GPC6: variants seen among roughly 807,000 people sequenced by gnomAD.
The protein encoded by GPC6 is glypican 6.
A neutral mutation model predicts 55.2 loss-of-function variants in GPC6; 14 were observed. The ratio of observed to expected loss-of-function variants is 0.25; its 90% CI spans 0.17 to 0.40. The LOEUF is 0.40. Among genes scored for constraint, GPC6 ranks in the 10% least tolerant of loss-of-function variants. GPC6 has a pLI of 1.00. For missense variants in GPC6, 641 were observed against 708.5 expected (o/e 0.90, Z 1.08); for synonymous variants, 278 against 259.6 (o/e 1.07, Z -0.68).
intron 2 of GPC6, among the ~76,000 whole-genome samples, chr13:93,776,201 T>C (rs75978365): frequency 0.012 from 1,813 of 152,152 alleles, 35 homozygotes; most frequent in African/African-American, 0.041. Context: ...TTTACAAATA[T>C]AGGGAGTAGA....
intron 3 of GPC6, among the ~76,000 whole-genome samples, chr13:94,003,601 T>TACCA: frequency 1.3e-5 from 2 of 152,218 alleles, no homozygotes; most frequent in Non-Finnish European, 2.9e-5. Context: ...TTATGCTTGT[T>TACCA]AGGCATTTTG....
At position 93,453,914 on chromosome 13, in the gene GPC6, G is replaced by A. The variant is rs187514878; in HGVS notation, c.161-91349G>A. Among the ~76,000 whole-genome samples the A allele has an allele frequency of 6.4e-3, 974 of 152,246 alleles. 11 individuals carry two copies. The highest frequency in any genetic ancestry group is 0.023 in the African/African-American group (935 of 41,554). ...GAGCGGGCTGCCACTGCTGGCTCCC[G>A]CAGCCTGCTTTTATTCTTTTATCTG... is the stretch of plus-strand genomic sequence containing the variant. On this transcript the variant is annotated intron_variant, in intron 1 of 8. Coordinates refer to ENST00000377047, the MANE Select transcript of GPC6 (RefSeq NM_005708.5).
At chr13:93,424,735 G>A (rs1203455717) in intron 1 of GPC6, among the ~76,000 whole-genome samples, 1 of 151,956 alleles carries the variant, frequency 6.6e-6, no homozygotes, top group Non-Finnish European at 1.5e-5. Context: ...GAGGTTTTTG[G>A]TCTTATTTGT....
chr13:93,758,812 G>T (rs1884864630), intron 2 of GPC6, among the ~76,000 whole-genome samples: 1 of 151,940 alleles, frequency 6.6e-6, no homozygotes, highest in Non-Finnish European at 1.5e-5. Flanking sequence ...TGACCTACTG[G>T]CATTTCCTAA....
chr13:93,439,694 AAAAAT>A (rs57815842), intron 1 of GPC6, among the ~76,000 whole-genome samples: 3,643 of 146,576 alleles, frequency 0.025, 194 homozygotes, highest in African/African-American at 0.086. Flanking sequence ...AATAAATAAA[AAAAAT>A]AAAATAAAAT....
At chr13:93,346,471 A>G (rs1880434511) in intron 1 of GPC6, among the ~76,000 whole-genome samples, 1 of 152,078 alleles carries the variant, frequency 6.6e-6, no homozygotes, top group Non-Finnish European at 1.5e-5. Flanking sequence ...CCCTATTCTC[A>G]TATTTACCTG....
chr13:93,641,036 TA>T (rs1879912743), intron 2 of GPC6, among the ~76,000 whole-genome samples: 1 of 152,032 alleles, frequency 6.6e-6, no homozygotes, highest in African/African-American at 2.4e-5. Flanking sequence ...AAAGATTTGC[TA>T]GAATGCAACT....
chr13:93,761,118 A>C (rs1322647003), intron 2 of GPC6, among the ~76,000 whole-genome samples: 1 of 152,058 alleles, frequency 6.6e-6, no homozygotes, highest in African/African-American at 2.4e-5. Flanking sequence ...TCATGCCTTT[A>C]TTTTTATTCT....
intron 1 of GPC6, among the ~76,000 whole-genome samples, chr13:93,503,746 G>A (rs977362285): frequency 1.3e-5 from 2 of 152,126 alleles, no homozygotes; most frequent in Non-Finnish European, 2.9e-5. Flanking sequence ...ATTGACGGAA[G>A]CTGTCATCTC....
chr13:94,220,894 A>G (rs1289064554), intron 4 of GPC6, among the ~76,000 whole-genome samples: 1 of 152,084 alleles, frequency 6.6e-6, no homozygotes, highest in Non-Finnish European at 1.5e-5. Context: ...CATTCAGGTC[A>G]CATTCTAGGA....
At chr13:94,119,684 G>A (rs1886557556) in intron 4 of GPC6, among the ~76,000 whole-genome samples, 1 of 152,156 alleles carries the variant, frequency 6.6e-6, no homozygotes, top group Non-Finnish European at 1.5e-5. Flanking sequence ...GGACACCAGT[G>A]TGGCTTGAGT....
intron 7 of GPC6, among the ~76,000 whole-genome samples, chr13:94,394,319 A>G (rs143366821): frequency 1.3e-5 from 2 of 152,302 alleles, no homozygotes; most frequent in Non-Finnish European, 2.9e-5. Context: ...TCAACTCTCC[A>G]GGTTGTCCTC....
At chr13:93,295,533 T>C (rs1183253875) in intron 1 of GPC6, among the ~76,000 whole-genome samples, 1 of 152,072 alleles carries the variant, frequency 6.6e-6, no homozygotes, top group African/African-American at 2.4e-5. Context: ...GAGTCTGGAG[T>C]GCAGTGGCGC....
intron 3 of GPC6, among the ~76,000 whole-genome samples, chr13:93,924,696 CT>C (rs10710851): frequency 0.6 from 77,248 of 128,302 alleles, 21,577 homozygotes; most frequent in Non-Finnish European, 0.64. Flanking sequence ...TCTTTCTTTT[CT>C]TTTTTTTTTT....
At chr13:93,604,754 A>G (rs567788429) in intron 2 of GPC6, among the ~76,000 whole-genome samples, 4 of 152,342 alleles carry the variant, frequency 2.6e-5, no homozygotes, top group South Asian at 2.1e-4. Context: ...TTGGGAATCC[A>G]TATTTCATTA....
intron 1 of GPC6, among the ~76,000 whole-genome samples, chr13:93,287,778 A>G (rs1198782818): frequency 6.6e-6 from 1 of 152,240 alleles, no homozygotes. Flanking sequence ...CAGTTAAATG[A>G]TATATTAAAG....
intron 1 of GPC6, among the ~76,000 whole-genome samples, chr13:93,530,369 C>T (rs1372055029): frequency 6.6e-6 from 1 of 152,198 alleles, no homozygotes; most frequent in Non-Finnish European, 1.5e-5. Context: ...CCTCATTTCT[C>T]TCCAGGTAAT....
At chr13:94,092,884 T>C (rs1885539924) in intron 4 of GPC6, among the ~76,000 whole-genome samples, 1 of 152,160 alleles carries the variant, frequency 6.6e-6, no homozygotes, top group Non-Finnish European at 1.5e-5. Flanking sequence ...TTAGTGATGT[T>C]GAACATGTTT....
At chr13:94,008,942 A>G (rs1205889166) in intron 3 of GPC6, among the ~76,000 whole-genome samples, 1 of 152,184 alleles carries the variant, frequency 6.6e-6, no homozygotes, top group East Asian at 1.9e-4. Flanking sequence ...TAACCACCCT[A>G]TCATTTCTGC....
Sources: gnomAD v4.1 joint callset for allele counts (sites outside exome capture counted in the v4.1 genomes callset) on GRCh38, gnomAD v4.1.1 for gene constraint, MANE v1.5 for transcripts, NCBI Gene and HGNC (gene_info 2026-07-23, HGNC 2026-07-21) for gene names.